The following TRPM3 variants were observed in gnomAD, a reference collection of about 807,000 sequenced individuals.
The protein encoded by TRPM3 is transient receptor potential cation channel subfamily M member 3, also known as long transient receptor potential channel 3.
A neutral mutation model predicts 181.2 loss-of-function variants in TRPM3; 77 were observed. The observed-to-expected ratio is 0.42, with a 90% CI of 0.35 to 0.51. The LOEUF (loss-of-function observed/expected upper bound fraction) is 0.51, where lower values mean the gene tolerates loss of function less well. Among genes scored for constraint, TRPM3 ranks in the 20% least tolerant of loss-of-function variants. TRPM3 has a pLI of 0.01. For missense variants in TRPM3, 1,759 were observed against 2,196.7 expected, an observed-to-expected ratio of 0.80 and a Z score of 3.98; for synonymous variants, 745 against 796.4, an observed-to-expected ratio of 0.94 and a Z score of 1.09.
In TRPM3 at chr9:71,247,353, C is replaced by CAAAAA. The variant is rs34584730; in HGVS notation, c.183+199295_183+199299dup. On this transcript the variant is annotated intron_variant, in intron 1 of 24. Coordinates refer to the TRPM3 transcript ENST00000357533. ...TGGGTGATAGAGTGAGACTCTGTCT[C>CAAAAA]AAAAAAAAAAAAAAAAAAAAAATTA... 4.5e-3 allele frequency among the ~76,000 whole-genome samples: 374 copies of CAAAAA among 82,206 alleles called. 10 individuals are homozygous for CAAAAA. The highest frequency in any genetic ancestry group is 6.1e-3 in the Non-Finnish European group (282 of 46,244). 53.9% of individuals were successfully genotyped at this position (82,206 alleles called of 152,430 possible). A position where few individuals can be genotyped will look rare whatever the true frequency, so the allele number is the denominator to read the frequency against.
chr9:71,270,885 T>C (rs922961797), intron 1 of TRPM3, among the ~76,000 whole-genome samples: 2 of 152,198 alleles, frequency 1.3e-5, no homozygotes, highest in Admixed American at 1.3e-4. Flanking sequence ...AAGAATCTTA[T>C]GGAAAGATCC....
intron 1 of TRPM3, among the ~76,000 whole-genome samples, chr9:71,322,808 C>T (rs573263831): frequency 6.6e-6 from 1 of 152,120 alleles, no homozygotes; most frequent in Non-Finnish European, 1.5e-5. Flanking sequence ...CAGATCCCAG[C>T]ATTGCCAAAG....
At chr9:70,789,752 G>A (rs115829294) in intron 6 of TRPM3, among the ~76,000 whole-genome samples, 13 of 152,338 alleles carry the variant, frequency 8.5e-5, no homozygotes, top group African/African-American at 2.6e-4. Context: ...AGATTTAACA[G>A]CTCTGCGTTC....
At chr9:71,200,560 C>T (rs199545422) in intron 1 of TRPM3, among the ~76,000 whole-genome samples, 7 of 152,046 alleles carry the variant, frequency 4.6e-5, no homozygotes, top group African/African-American at 1.2e-4. Flanking sequence ...GGTGCTCCTG[C>T]ATTGGGTGCA....
intron 1 of TRPM3, among the ~76,000 whole-genome samples, chr9:71,065,144 T>A (rs1482404875): frequency 6.6e-6 from 1 of 152,146 alleles, no homozygotes. Context: ...CAAATCTCTG[T>A]ACAATGAACA....
At chr9:71,010,332 C>T (rs913766186) in intron 1 of TRPM3, among the ~76,000 whole-genome samples, 1 of 152,050 alleles carries the variant, frequency 6.6e-6, no homozygotes, top group African/African-American at 2.4e-5. Flanking sequence ...AACCATGCAT[C>T]GGACAAGGGG....
intron 9 of TRPM3, among the ~76,000 whole-genome samples, chr9:70,649,356 T>G (rs2059324387): frequency 6.6e-6 from 1 of 152,100 alleles, no homozygotes; most frequent in Non-Finnish European, 1.5e-5. Flanking sequence ...GCCTGGCTAA[T>G]TTTTGTATTT....
At chr9:71,303,623 G>C (rs2086985738) in intron 1 of TRPM3, among the ~76,000 whole-genome samples, 1 of 152,110 alleles carries the variant, frequency 6.6e-6, no homozygotes, top group Non-Finnish European at 1.5e-5. Context: ...GCTCCCTGAG[G>C]GACAGAGGAG....
At chr9:70,673,025 G>A (rs2063285081) in intron 9 of TRPM3, among the ~76,000 whole-genome samples, 2 of 152,160 alleles carry the variant, frequency 1.3e-5, no homozygotes, top group South Asian at 4.1e-4. Flanking sequence ...AAAGCCTAAT[G>A]TATGCAATGT....
intron 1 of TRPM3, among the ~76,000 whole-genome samples, chr9:70,878,025 CACATTA>C (rs1208453889): frequency 2.6e-5 from 4 of 151,904 alleles, no homozygotes; most frequent in Non-Finnish European, 4.4e-5. Flanking sequence ...CACTGATGTG[CACATTA>C]ACATTAAATA....
At chr9:70,937,172 A>C (rs2096836479) in intron 1 of TRPM3, among the ~76,000 whole-genome samples, 1 of 152,216 alleles carries the variant, frequency 6.6e-6, no homozygotes, top group Non-Finnish European at 1.5e-5. Context: ...TTCAAAAAAA[A>C]AATAAGTCTT....
At chr9:71,325,548 G>A (rs1422398260) in intron 1 of TRPM3, among the ~76,000 whole-genome samples, 1 of 152,174 alleles carries the variant, frequency 6.6e-6, no homozygotes, top group South Asian at 2.1e-4. Context: ...TTACTCAGAG[G>A]TGAGAGAGGA....
chr9:71,286,063 T>C (rs1333433793), intron 1 of TRPM3, among the ~76,000 whole-genome samples: 1 of 152,142 alleles, frequency 6.6e-6, no homozygotes. Flanking sequence ...TGAAAACCTA[T>C]AAGCCATAAA....
At chr9:71,126,048 G>C (rs1012808058), upstream of TRPM3, among the ~76,000 whole-genome samples, 3 of 152,056 alleles carry the variant, frequency 2.0e-5, no homozygotes, top group African/African-American at 7.2e-5. Flanking sequence ...AACCCCATTA[G>C]AAAGGGGGCA....
At chr9:70,695,245 G>A (rs1225011832) in intron 8 of TRPM3, among the ~76,000 whole-genome samples, 1 of 152,150 alleles carries the variant, frequency 6.6e-6, no homozygotes, top group East Asian at 1.9e-4. Context: ...ATAACCTTAG[G>A]CCATCTACTG....
intron 1 of TRPM3, among the ~76,000 whole-genome samples, chr9:71,037,534 T>G (rs146679156): frequency 6.6e-6 from 1 of 152,386 alleles, no homozygotes; most frequent in Admixed American, 6.5e-5. Context: ...TGTGCACACA[T>G]GCGTGTGCGC....
chr9:71,009,105 C>G (rs969956642), intron 1 of TRPM3, among the ~76,000 whole-genome samples: 1 of 151,948 alleles, frequency 6.6e-6, no homozygotes, highest in African/African-American at 2.4e-5. Flanking sequence ...TATAACACAC[C>G]CACAGTTATA....
chr9:71,109,642 C>A (rs963322869), intron 1 of TRPM3, among the ~76,000 whole-genome samples: 1 of 152,014 alleles, frequency 6.6e-6, no homozygotes, highest in Admixed American at 6.6e-5. Flanking sequence ...TTTTTGTAGT[C>A]AAGTACCTAG....
At chr9:71,202,617 T>C (rs1408985610) in intron 1 of TRPM3, among the ~76,000 whole-genome samples, 1 of 152,202 alleles carries the variant, frequency 6.6e-6, no homozygotes, top group East Asian at 1.9e-4. Flanking sequence ...GGAAGATTAA[T>C]GGACCCAGGT....
Sources: gnomAD v4.1 joint callset for allele counts (sites outside exome capture counted in the v4.1 genomes callset) on GRCh38, gnomAD v4.1.1 for gene constraint, MANE v1.5 for transcripts, NCBI Gene and HGNC (gene_info 2026-07-23, HGNC 2026-07-21) for gene names.